The following INSM2 variants were observed in gnomAD, a reference collection of about 807,000 sequenced individuals.
INSM2 encodes the protein INSM transcriptional repressor 2.
INSM2 carries 12 observed loss-of-function variants against 30.5 expected under a neutral mutation model. The observed-to-expected ratio is 0.39, with a 90% CI of 0.25 to 0.64. INSM2 has a LOEUF of 0.64. Among genes scored for constraint, INSM2 ranks in the 30% least tolerant of loss-of-function variants. The pLI is 0.47. For synonymous variants in INSM2, 418 were observed against 383.7 expected, an observed-to-expected ratio of 1.09 and a Z score of -1.05; for missense variants, 773 against 819.2, an observed-to-expected ratio of 0.94 and a Z score of 0.69.
rs2053601029 is a variant in INSM2, at chr14:35,536,461, AAGG to A, written c.*511_*513del. 6.0e-6 allele frequency: 1 copy of A among 166,396 alleles called. No individual in the cohort carries two copies. 10.3% of individuals were successfully genotyped at this position (166,396 alleles called of 1,614,324 possible). A position where few individuals can be genotyped will look rare whatever the true frequency, so the allele number is the denominator to read the frequency against. On this transcript the variant is annotated 3_prime_UTR_variant, in exon 1 of 1. Transcript: ENST00000307169. ...AAGTTATGTGATTGGTGTCAAACTT[AAGG>A]AGATTCAAGACCTGGCAGAAAATGT...
chr14:35,536,130 C>T lies in INSM2; in HGVS notation c.*177C>T, dbSNP rs1039334750. The T allele has an allele frequency of 4.3e-6, 3 of 701,176 alleles. No homozygotes were observed. Among genetic ancestry groups the T allele is most frequent in the Non-Finnish European group, 7.2e-6 (3 of 417,182 alleles). 43.4% of individuals were successfully genotyped at this position (701,176 alleles called of 1,614,324 possible). On this transcript the variant is annotated 3_prime_UTR_variant, in exon 1 of 1. Transcript: ENST00000307169. ...AGGAGCGGACAGTGAAATGTAATAT[C>T]CCTCTCTAGAGCAGGTATGTATATG...
chr14:35,535,237 G>A lies in INSM2; in HGVS notation c.985G>A (p.Asp329Asn). 1 of 1,613,508 alleles carries A rather than the reference G, an allele frequency of 6.2e-7. No homozygotes were observed. The highest frequency in any genetic ancestry group is 8.5e-7 in the Non-Finnish European group (1 of 1,179,950). Residue 329 changes from aspartate (D) to asparagine (N), a missense_variant, in exon 1 of 1, where the codon GAC becomes AAC. Physicochemically the swap from Asp to Asn is conservative, Grantham distance 23. Transcript: ENST00000307169. ...AAACGCCGCCACAGTCTCCTCCGCCGACGGGAAGCCGCCTTCTTCGTCGTC... is the reference window on the plus strand; with the variant it reads ...AAACGCCGCCACAGTCTCCTCCGCCAACGGGAAGCCGCCTTCTTCGTCGTC... ...AANAATVSSA[D>N]GKPPSSSSSS...
rs755175212 is a variant in INSM2 at position 35,535,493 on chromosome 14, C to T, written c.1241C>T (p.Pro414Leu). 1.2e-6 allele frequency: 2 copies of T among 1,613,276 alleles called. No homozygotes were observed. The highest frequency in any genetic ancestry group is 8.5e-7 in the Non-Finnish European group (1 of 1,179,978). ...GTGTTGGGGCGCCGGGTACCTGTGCCGGGCAGTACCAGTGGTGGCAGGGGA... is the reference window on the plus strand; with the variant it reads ...GTGTTGGGGCGCCGGGTACCTGTGCTGGGCAGTACCAGTGGTGGCAGGGGA... ...EGVLGRRVPVPGSTSGGRGSE... is the reference protein window; with the variant it reads ...EGVLGRRVPVLGSTSGGRGSE... The change falls in exon 1 of 1, where the codon CCG becomes CTG. Residue 414 changes from proline (P) to leucine (L), a missense_variant. Transcript: ENST00000307169.
In INSM2 at chr14:35,534,260, G is replaced by A. The variant is rs2053577092; in HGVS notation, c.8G>A (p.Arg3Lys). 1 of 1,593,924 alleles carries A rather than the reference G, an allele frequency of 6.3e-7. No homozygotes were observed. Among genetic ancestry groups the A allele is most frequent in the South Asian group, 1.1e-5 (1 of 90,346 alleles). Residue 3 changes from arginine to lysine, a missense_variant, in exon 1 of 1, where the codon AGG (arginine) becomes AAG (lysine). By Grantham distance (26) the Arg-to-Lys change is conservative (BLOSUM62 2). Coordinates refer to ENST00000307169, the MANE Select transcript of INSM2 (RefSeq NM_032594.4). MPRGFLVKRTKRT... is the reference protein window; with the variant it reads MPKGFLVKRTKRT... ...AGCGCTCTCGACTCCACCATGCCAAGGGGATTCCTGGTGAAGCGAACTAAA... is the reference window on the plus strand; with the variant it reads ...AGCGCTCTCGACTCCACCATGCCAAAGGGATTCCTGGTGAAGCGAACTAAA...
Position 35,534,482 on chromosome 14 carries a change from G to C in INSM2, c.230G>C (p.Cys77Ser). The change falls in exon 1 of 1, where the codon TGT (cysteine) becomes TCT (serine). Residue 77 changes from cysteine (C) to serine (S), a missense_variant. Transcript: ENST00000307169. ...GCCCGGGAACAGTCGGGGTCGCCAT[G>C]TCGGGCGGCTGGGGTGAGCCCGGGG... ...EAAREQSGSP[C>S]RAAGVSPGTG... The C allele has an allele frequency of 6.9e-7, 1 of 1,441,848 alleles. No individual in the cohort carries two copies. Among genetic ancestry groups the C allele is most frequent in the Non-Finnish European group, 9.1e-7 (1 of 1,103,300 alleles). The allele number at this position is 1,441,848 out of a possible 1,614,324, so 89.3% of individuals were successfully genotyped here.
rs758069145 is a variant in INSM2 at position 35,535,236 on chromosome 14, C to G, written c.984C>G (p.Ala328=). Residue 328 remains alanine (A), a synonymous_variant, in exon 1 of 1, where the codon GCC becomes GCG. Coordinates refer to ENST00000307169, the MANE Select transcript of INSM2 (RefSeq NM_032594.4). ...CAAACGCCGCCACAGTCTCCTCCGC[C>G]GACGGGAAGCCGCCTTCTTCGTCGT... ...AAANAATVSS[A]DGKPPSSSSS... is the part of the protein sequence containing the mutation. 1 of 1,613,528 alleles carries G rather than the reference C, an allele frequency of 6.2e-7. No individual in the cohort carries two copies. Among genetic ancestry groups the G allele is most frequent in the East Asian group, 2.2e-5 (1 of 44,880 alleles).
In INSM2 at chr14:35,534,997, C is replaced by A; in HGVS notation, c.745C>A (p.Pro249Thr). Residue 249 changes from proline (P) to threonine (T), a missense_variant, in exon 1 of 1, where the codon CCG becomes ACG. Physicochemically the swap from Pro to Thr is conservative, Grantham distance 38. Coordinates refer to ENST00000307169, the MANE Select transcript of INSM2 (RefSeq NM_032594.4). ...LKIKEEEPGA[P>T]SRGLGGSRTP... ...GATCAAGGAGGAGGAGCCCGGAGCGCCGTCCCGGGGCTTGGGGGGCAGCCG... is the reference window on the plus strand; with the variant it reads ...GATCAAGGAGGAGGAGCCCGGAGCGACGTCCCGGGGCTTGGGGGGCAGCCG... 6.4e-7 allele frequency: 1 copy of A among 1,566,674 alleles called. No homozygotes were observed. The highest frequency in any genetic ancestry group is 8.6e-7 in the Non-Finnish European group (1 of 1,158,530).
rs1018559566 is a variant in INSM2 at position 35,535,128 on chromosome 14, C to G, written c.876C>G (p.Arg292=). ...CCCGCATCGTGCGCGTAGAGTACCG[C>G]TGCCCTGAGTGCGACAAGGTGTTCA... The part of the protein sequence containing the change: ...RCSRIVRVEY[R]CPECDKVFSC... Residue 292 remains arginine (R), a synonymous_variant, in exon 1 of 1, where the codon CGC becomes CGG. Transcript: ENST00000307169. The G allele has an allele frequency of 1.9e-6, 3 of 1,609,504 alleles. No individual in the cohort carries two copies. The African/African-American group carries it at 4.0e-5, about 21-fold the overall frequency.
chr14:35,534,256 C>T lies in INSM2; in HGVS notation c.4C>T (p.Pro2Ser). The stretch of plus-strand genomic sequence containing the variant: ...CCAGAGCGCTCTCGACTCCACCATG[C>T]CAAGGGGATTCCTGGTGAAGCGAAC... MPRGFLVKRTKR... is the reference protein window; with the variant it reads MSRGFLVKRTKR... Residue 2 changes from proline to serine, a missense_variant, in exon 1 of 1, where the codon CCA becomes TCA. Pro to Ser is a moderately conservative substitution (Grantham distance 74, BLOSUM62 -1). Coordinates refer to ENST00000307169, the MANE Select transcript of INSM2 (RefSeq NM_032594.4). 6.3e-7 allele frequency: 1 copy of T among 1,592,992 alleles called. No individual in the cohort carries two copies. Among genetic ancestry groups the T allele is most frequent in the Non-Finnish European group, 8.5e-7 (1 of 1,170,806 alleles).
At position 35,534,660 on chromosome 14, in the gene INSM2, G is replaced by A. The variant is rs754173053; in HGVS notation, c.408G>A (p.Glu136=). The change falls in exon 1 of 1, where the codon GAG becomes GAA. Residue 136 remains glutamate (E), a synonymous_variant. Transcript: ENST00000307169. ...ERCLSSPVSA[E]SFPGGAAAVA... is the part of the protein sequence containing the mutation. ...GCCTCAGCTCGCCCGTCTCCGCCGA[G>A]TCTTTCCCCGGGGGCGCCGCCGCCG... 2.8e-6 allele frequency: 4 copies of A among 1,411,758 alleles called. No homozygotes were observed. The highest frequency in any genetic ancestry group is 2.7e-6 in the Non-Finnish European group (3 of 1,096,100). The allele number at this position is 1,411,758 out of a possible 1,614,324, so 87.5% of individuals were successfully genotyped here.
In INSM2 at chr14:35,534,731, C is replaced by G. The variant is rs1004422206; in HGVS notation, c.479C>G (p.Pro160Arg). Residue 160 changes from proline to arginine, a missense_variant, in exon 1 of 1, where the codon CCG becomes CGG. By Grantham distance (103) the Pro-to-Arg change is moderately radical (BLOSUM62 -2). Transcript: ENST00000307169. ...CSVAPAAAPT[P>R]GEQFLLPLRA... is the part of the protein sequence containing the mutation. ...GTGGCGCCAGCAGCCGCACCGACCCCGGGGGAGCAGTTTCTGCTGCCGCTT... is the reference window on the plus strand; with the variant it reads ...GTGGCGCCAGCAGCCGCACCGACCCGGGGGGAGCAGTTTCTGCTGCCGCTT... 3.6e-6 allele frequency: 5 copies of G among 1,396,162 alleles called. No homozygotes were observed. Among genetic ancestry groups the G allele is most frequent in the Non-Finnish European group, 4.6e-6 (5 of 1,082,404 alleles). The allele number at this position is 1,396,162 out of a possible 1,614,324, so 86.5% of individuals were successfully genotyped here. A position where few individuals can be genotyped will look rare whatever the true frequency, so the allele number is the denominator to read the frequency against.
In INSM2 at chr14:35,536,618, T is replaced by G. The variant is rs1049494836; in HGVS notation, c.*665T>G. ...GGGGAGGATGCTACTTTACTGGAGTTGAGACACCCCCTAAAATTCTCACCC... is the reference window on the plus strand; with the variant it reads ...GGGGAGGATGCTACTTTACTGGAGTGGAGACACCCCCTAAAATTCTCACCC... On this transcript the variant is annotated 3_prime_UTR_variant, in exon 1 of 1. Transcript: ENST00000307169. The G allele has an allele frequency of 4.8e-5, 8 of 167,102 alleles. No homozygotes were observed. The highest frequency in any genetic ancestry group is 1.7e-4 in the African/African-American group (7 of 41,466). The allele number at this position is 167,102 out of a possible 1,614,324, so 10.4% of individuals were successfully genotyped here.
chr14:35,536,072 C>G lies in INSM2; in HGVS notation c.*119C>G. On this transcript the variant is annotated 3_prime_UTR_variant, in exon 1 of 1. Coordinates refer to ENST00000307169, the MANE Select transcript of INSM2 (RefSeq NM_032594.4). Reference sequence around the variant, plus strand: ...TCATTCCTTCCTATGTTTTAATCCCCTAAAATTCTCCCTGTAGTCAATGTT... The same window carrying G: ...TCATTCCTTCCTATGTTTTAATCCCGTAAAATTCTCCCTGTAGTCAATGTT... 7.9e-7 allele frequency: 1 copy of G among 1,264,356 alleles called. No homozygotes were observed. Among genetic ancestry groups the G allele is most frequent in the Non-Finnish European group, 1.1e-6 (1 of 908,300 alleles). 78.3% of individuals were successfully genotyped at this position (1,264,356 alleles called of 1,614,324 possible). A position where few individuals can be genotyped will look rare whatever the true frequency, so the allele number is the denominator to read the frequency against.
rs1478329107 is a variant in INSM2 at position 35,535,068 on chromosome 14, C to T, written c.816C>T (p.Tyr272=). ...TCTGCCAGCTGTGCAAGGAGCAGTA[C>T]GCAGACCCCTTCGCGCTGGCCCAGC... The part of the protein sequence containing the change: ...EFICQLCKEQ[Y]ADPFALAQHR... The change falls in exon 1 of 1, where the codon TAC becomes TAT. Residue 272 remains tyrosine, a synonymous_variant. Transcript: ENST00000307169. 6.3e-7 allele frequency: 1 copy of T among 1,599,440 alleles called. No individual in the cohort carries two copies. The highest frequency in any genetic ancestry group is 8.5e-7 in the Non-Finnish European group (1 of 1,172,330).
chr14:35,535,279 T>G lies in INSM2; in HGVS notation c.1027T>G (p.Ser343Ala). Residue 343 changes from serine to alanine, a missense_variant, in exon 1 of 1, where the codon TCC becomes GCC. Physicochemically the swap from Ser to Ala is moderately conservative, Grantham distance 99. Transcript: ENST00000307169. ...PSSSSSSSRD[S>A]GAIASFLAEG... Reference sequence around the variant, plus strand: ...TTCGTCGTCTTCGTCCTCCCGGGACTCCGGGGCCATTGCATCTTTTCTGGC... The same window carrying G: ...TTCGTCGTCTTCGTCCTCCCGGGACGCCGGGGCCATTGCATCTTTTCTGGC... 6.2e-7 allele frequency: 1 copy of G among 1,613,324 alleles called. No homozygotes were observed. The highest frequency in any genetic ancestry group is 8.5e-7 in the Non-Finnish European group (1 of 1,179,868).
rs2053581909 is a variant in INSM2, at chr14:35,534,670, G to C, written c.418G>C (p.Gly140Arg). Residue 140 changes from glycine to arginine, a missense_variant, in exon 1 of 1, where the codon GGG becomes CGG. Coordinates refer to ENST00000307169, the MANE Select transcript of INSM2 (RefSeq NM_032594.4). ...SSPVSAESFP[G>R]GAAAVAAFSC... The stretch of plus-strand genomic sequence containing the variant: ...GCCCGTCTCCGCCGAGTCTTTCCCC[G>C]GGGGCGCCGCCGCCGTGGCCGCTTT... The C allele has an allele frequency of 1.4e-6, 2 of 1,402,590 alleles. No homozygotes were observed. Among genetic ancestry groups the C allele is most frequent in the East Asian group, 3.0e-5 (1 of 33,730 alleles). The allele number at this position is 1,402,590 out of a possible 1,614,324, so 86.9% of individuals were successfully genotyped here. A position where few individuals can be genotyped will look rare whatever the true frequency, so the allele number is the denominator to read the frequency against.
chr14:35,534,248 C>T lies in INSM2; in HGVS notation c.-5C>T. 6.3e-7 allele frequency: 1 copy of T among 1,589,350 alleles called. No homozygotes were observed. The highest frequency in any genetic ancestry group is 8.6e-7 in the Non-Finnish European group (1 of 1,169,246). The stretch of plus-strand genomic sequence containing the variant: ...CTCTTGTCCCAGAGCGCTCTCGACT[C>T]CACCATGCCAAGGGGATTCCTGGTG... On this transcript the variant is annotated 5_prime_UTR_variant, in exon 1 of 1. Coordinates refer to ENST00000307169, the MANE Select transcript of INSM2 (RefSeq NM_032594.4).
In INSM2 at chr14:35,534,574, C is replaced by T. The variant is rs924708184; in HGVS notation, c.322C>T (p.Pro108Ser). The stretch of plus-strand genomic sequence containing the variant: ...GGAAGGTCCCGGGCCCAGCCCCAGC[C>T]CCAGCCCCAGTCCAGCGAAGCCGGC... ...GREGPGPSPS[P>S]SPSPAKPAGA... The change falls in exon 1 of 1, where the codon CCC (proline) becomes TCC (serine). Residue 108 changes from proline to serine, a missense_variant. Coordinates refer to ENST00000307169, the MANE Select transcript of INSM2 (RefSeq NM_032594.4). 15 of 1,428,306 alleles carry T rather than the reference C, an allele frequency of 1.1e-5. No homozygotes were observed. Among genetic ancestry groups the T allele is most frequent in the South Asian group, 1.5e-5 (1 of 67,362 alleles). The allele number at this position is 1,428,306 out of a possible 1,614,324, so 88.5% of individuals were successfully genotyped here.
chr14:35,535,587 G>A lies in INSM2; in HGVS notation c.1335G>A (p.Leu445=), dbSNP rs753566423. The A allele has an allele frequency of 8.1e-6, 13 of 1,613,150 alleles. No individual in the cohort carries two copies. Among genetic ancestry groups the A allele is most frequent in the Non-Finnish European group, 1.1e-5 (13 of 1,179,986 alleles). ...FRRQAYLRKH[L]STHEAGSARA... ...GCCAAGCCTATCTGCGCAAGCACCT[G>A]AGCACTCACGAGGCGGGCTCGGCCC... is the stretch of plus-strand genomic sequence containing the variant. The change falls in exon 1 of 1, where the codon CTG becomes CTA. Residue 445 remains leucine, a synonymous_variant. Coordinates refer to ENST00000307169, the MANE Select transcript of INSM2 (RefSeq NM_032594.4).
Sources: allele counts gnomAD v4.1 joint callset, GRCh38; gene constraint gnomAD v4.1.1; transcripts MANE v1.5; gene names NCBI Gene and HGNC (gene_info 2026-07-23, HGNC 2026-07-21).